Variants in GOLPH3 observed in about 807,000 individuals in gnomAD.
GOLPH3 encodes golgi phosphoprotein 3, also known as coat protein GPP34.
In GOLPH3, 14 loss-of-function variants were observed where a neutral mutation model predicts 28.5. That is an observed-to-expected ratio of 0.49 (90% CI 0.32 to 0.77). The LOEUF is 0.77. GOLPH3 is among the 30% of genes least tolerant of loss of function. The pLI, the probability that GOLPH3 is intolerant of heterozygous loss-of-function variation, is 0.03. For missense variants in GOLPH3, 350 were observed against 393.7 expected (o/e 0.89, Z 0.94); for synonymous variants, 158 against 159.2 (o/e 0.99, Z 0.06).
Position 32,125,486 on chromosome 5 carries a change from G to C in GOLPH3, c.*726C>G, listed in dbSNP as rs1404012155. ...GGGGCACCAGGTGTACAACTGATTA[G>C]ATCTTGCAAAATACTAAGATGGGAG... On this transcript the variant is annotated 3_prime_UTR_variant, in exon 4 of 4. Transcript: ENST00000265070. 6.6e-6 allele frequency: 1 copy of C among 152,618 alleles called. No individual in the cohort carries two copies. Among genetic ancestry groups the C allele is most frequent in the African/African-American group, 2.4e-5 (1 of 41,444 alleles). The allele number at this position is 152,618 out of a possible 1,614,324, so 9.5% of individuals were successfully genotyped here. A position where few individuals can be genotyped will look rare whatever the true frequency, so the allele number is the denominator to read the frequency against.
chr5:32,144,229 T>C (rs892022777), intron 1 of GOLPH3, among the ~76,000 whole-genome samples: 2 of 152,234 alleles, frequency 1.3e-5, no homozygotes, highest in Non-Finnish European at 2.9e-5. Flanking sequence ...GATTTATTTA[T>C]GTGGACAAGT....
Position 32,158,018 on chromosome 5 carries a change from T to C in GOLPH3, c.226-14138A>G, listed in dbSNP as rs372417683. 9.3e-4 allele frequency among the ~76,000 whole-genome samples: 25 copies of C among 26,978 alleles called. 1 individual carries two copies. The highest frequency in any genetic ancestry group is 4.5e-3 in the Admixed American group (8 of 1,796). 17.7% of individuals were successfully genotyped at this position (26,978 alleles called of 152,430 possible). A position where few individuals can be genotyped will look rare whatever the true frequency, so the allele number is the denominator to read the frequency against. On this transcript the variant is annotated intron_variant, in intron 1 of 3. Transcript: ENST00000265070. ...ATAAATAAATAAATAAATAAATAAA[T>C]AAAATACACACACACACACACACAC...
At chr5:32,170,624 T>C (rs890408266) in intron 1 of GOLPH3, among the ~76,000 whole-genome samples, 3 of 151,922 alleles carry the variant, frequency 2.0e-5, no homozygotes, top group Admixed American at 6.6e-5. Context: ...TACCAACAGA[T>C]AAGTTGACAG....
intron 1 of GOLPH3, among the ~76,000 whole-genome samples, chr5:32,160,726 C>A (rs1746552173): frequency 6.6e-6 from 1 of 152,170 alleles, no homozygotes; most frequent in African/African-American, 2.4e-5. Context: ...TAGAAAAAGG[C>A]AGAGCCTTAC....
At chr5:32,135,973 G>C (rs949271799) in intron 2 of GOLPH3, among the ~76,000 whole-genome samples, 1 of 152,090 alleles carries the variant, frequency 6.6e-6, no homozygotes, top group Non-Finnish European at 1.5e-5. Flanking sequence ...CCAGGAATTC[G>C]ATACCAGCCC....
intron 1 of GOLPH3, among the ~76,000 whole-genome samples, chr5:32,146,147 G>A (rs565230248): frequency 9.9e-5 from 15 of 151,980 alleles, no homozygotes; most frequent in African/African-American, 3.4e-4. Context: ...AAAATTAGCC[G>A]GGCATGGTGG....
At chr5:32,162,275 G>A (rs1469108286) in intron 1 of GOLPH3, among the ~76,000 whole-genome samples, 1 of 150,422 alleles carries the variant, frequency 6.6e-6, no homozygotes, top group Non-Finnish European at 1.5e-5. Flanking sequence ...GGCGGATCAC[G>A]AGGTCAGGAG....
chr5:32,156,502 C>CA (rs375697964), intron 1 of GOLPH3, among the ~76,000 whole-genome samples: 25,642 of 138,088 alleles, frequency 0.19, 2,576 homozygotes, highest in Non-Finnish European at 0.24. Flanking sequence ...GATTCTGTCT[C>CA]AAAAAAAAAA....
intron 1 of GOLPH3, among the ~76,000 whole-genome samples, chr5:32,166,691 C>A (rs1321474283): frequency 6.6e-6 from 1 of 151,948 alleles, no homozygotes. Flanking sequence ...GCCTGTAATC[C>A]TAGCTACTTG....
intron 1 of GOLPH3, among the ~76,000 whole-genome samples, chr5:32,148,739 G>A (rs1046264702): frequency 2.6e-5 from 4 of 152,264 alleles, no homozygotes; most frequent in African/African-American, 9.6e-5. Flanking sequence ...GGAGCTTGCA[G>A]TGAGGCGAGA....
At chr5:32,146,617 A>G (rs1746183821) in intron 1 of GOLPH3, among the ~76,000 whole-genome samples, 1 of 152,204 alleles carries the variant, frequency 6.6e-6, no homozygotes, top group Admixed American at 6.5e-5. Flanking sequence ...GCTTTTTGTT[A>G]AGAAGGAACT....
intron 3 of GOLPH3, among the ~76,000 whole-genome samples, chr5:32,132,871 C>A (rs1333257702): frequency 2.6e-5 from 4 of 152,016 alleles, no homozygotes; most frequent in Non-Finnish European, 5.9e-5. Context: ...ATGTTATTTG[C>A]CAGGAGATTT....
At chr5:32,173,174 C>T (rs780167204) in intron 1 of GOLPH3, among the ~76,000 whole-genome samples, 2 of 151,964 alleles carry the variant, frequency 1.3e-5, no homozygotes, top group Admixed American at 6.6e-5. Flanking sequence ...AATATAAAAG[C>T]GATACTAAAA....
intron 1 of GOLPH3, among the ~76,000 whole-genome samples, chr5:32,164,920 G>A (rs1385673694): frequency 2.1e-5 from 1 of 47,462 alleles, no homozygotes; most frequent in Non-Finnish European, 3.5e-5. Flanking sequence ...TTTTTTTTTT[G>A]AGATAGTCTT....
intron 3 of GOLPH3, 25 bp from the exon 4 acceptor site, chr5:32,126,661 G>A (rs1249664372): frequency 2.5e-6 from 4 of 1,587,326 alleles, no homozygotes; most frequent in Non-Finnish European, 3.4e-6. Flanking sequence ...TCAGAAGTTA[G>A]AAATGATGAG....
At chr5:32,149,218 G>A (rs1019995898) in intron 1 of GOLPH3, among the ~76,000 whole-genome samples, 1 of 152,204 alleles carries the variant, frequency 6.6e-6, no homozygotes, top group Non-Finnish European at 1.5e-5. Context: ...GAGAGAGGAT[G>A]CAATGTGAGG....
At chr5:32,154,243 A>T (rs1430436478) in intron 1 of GOLPH3, among the ~76,000 whole-genome samples, 1 of 152,262 alleles carries the variant, frequency 6.6e-6, no homozygotes, top group African/African-American at 2.4e-5. Flanking sequence ...TTAGTAATTA[A>T]AATGAAATTA....
At chr5:32,167,690 C>T (rs1262092655) in intron 1 of GOLPH3, among the ~76,000 whole-genome samples, 1 of 147,402 alleles carries the variant, frequency 6.8e-6, no homozygotes, top group African/African-American at 2.4e-5. Context: ...GTGGCTCACA[C>T]CTGTAATCCC....
chr5:32,138,585 A>G (rs997447600), intron 2 of GOLPH3, among the ~76,000 whole-genome samples: 1 of 152,220 alleles, frequency 6.6e-6, no homozygotes, highest in Non-Finnish European at 1.5e-5. Flanking sequence ...AGGCAAAATT[A>G]ATTTTAATAT....
Sources: allele counts gnomAD v4.1 joint callset (sites outside exome capture counted in the v4.1 genomes callset), GRCh38; gene constraint gnomAD v4.1.1; transcripts MANE v1.5; gene names NCBI Gene and HGNC (gene_info 2026-07-23, HGNC 2026-07-21).